The following FTO variants were observed in gnomAD, a reference collection of about 807,000 sequenced individuals.
FTO encodes the protein FTO alpha-ketoglutarate dependent dioxygenase, also known as alpha-ketoglutarate-dependent dioxygenase FTO.
In FTO, 47 loss-of-function variants were observed where a neutral mutation model predicts 63.9. The ratio of observed to expected loss-of-function variants is 0.74; its 90% CI spans 0.58 to 0.94. The LOEUF (loss-of-function observed/expected upper bound fraction) is 0.94, where lower values mean the gene tolerates loss of function less well. Among genes scored for constraint, FTO ranks in the 40% least tolerant of loss-of-function variants. FTO has a pLI of 0.00. For missense variants in FTO, 562 were observed against 618.1 expected, an observed-to-expected ratio of 0.91 and a Z score of 0.96; for synonymous variants, 207 against 224.4, an observed-to-expected ratio of 0.92 and a Z score of 0.69.
At chr16:53,794,061 A>C (rs142719168) in intron 1 of FTO, among the ~76,000 whole-genome samples, 355 of 152,354 alleles carry the variant, frequency 2.3e-3, no homozygotes, top group African/African-American at 8.3e-3. Flanking sequence ...AAGATTTAAA[A>C]GTTTGATAAT....
At chr16:54,104,537 T>G (rs2086706444) in intron 8 of FTO, among the ~76,000 whole-genome samples, 1 of 152,150 alleles carries the variant, frequency 6.6e-6, no homozygotes, top group African/African-American at 2.4e-5. Flanking sequence ...GGTCTCGAAC[T>G]CCTGACCTCG....
At chr16:53,784,256 G>A (rs2151666429) in intron 1 of FTO, among the ~76,000 whole-genome samples, 1 of 152,250 alleles carries the variant, frequency 6.6e-6, no homozygotes. Context: ...TTTCCACTGT[G>A]AAAACTCCTT....
intron 8 of FTO, among the ~76,000 whole-genome samples, chr16:53,941,650 C>G (rs2082532357): frequency 6.6e-6 from 1 of 152,086 alleles, no homozygotes; most frequent in Non-Finnish European, 1.5e-5. Flanking sequence ...AGTTCGAGAA[C>G]AGCCAGGGCA....
intron 2 of FTO, among the ~76,000 whole-genome samples, chr16:53,820,005 CT>C (rs2078810440): frequency 7.0e-6 from 1 of 143,342 alleles, no homozygotes; most frequent in African/African-American, 2.5e-5. Flanking sequence ...CTATTTTCTT[CT>C]TCTTCTTTTT....
At chr16:54,022,908 G>T (rs1052558496) in intron 8 of FTO, among the ~76,000 whole-genome samples, 1 of 152,172 alleles carries the variant, frequency 6.6e-6, no homozygotes, top group Non-Finnish European at 1.5e-5. Context: ...GTAACTTTCC[G>T]CTGTATACAC....
chr16:54,042,577 A>G lies in FTO; in HGVS notation c.1365-69185A>G, dbSNP rs8059666. On this transcript the variant is annotated intron_variant, in intron 8 of 8. Coordinates refer to ENST00000471389, the MANE Select transcript of FTO (RefSeq NM_001080432.3). ...GCTTGCTTAGGTAAACAAAGCAGCC[A>G]GGAAGCTTGAACTGGGTGGAGCCCA... Among the ~76,000 whole-genome samples the G allele has an allele frequency of 9.1e-3, 550 of 60,704 alleles. 3 individuals are homozygous for G. Among genetic ancestry groups the G allele is most frequent in the South Asian group, 0.026 (32 of 1,250 alleles). The allele number at this position is 60,704 out of a possible 152,430, so 39.8% of individuals were successfully genotyped here.
chr16:53,880,285 C>T (rs577025360), intron 6 of FTO, among the ~76,000 whole-genome samples: 2 of 152,340 alleles, frequency 1.3e-5, no homozygotes, highest in African/African-American at 4.8e-5. Flanking sequence ...TCATGAGCCA[C>T]TGTGCCTGGC....
chr16:54,054,179 G>T (rs2085376479), intron 8 of FTO, among the ~76,000 whole-genome samples: 1 of 152,172 alleles, frequency 6.6e-6, no homozygotes, highest in Admixed American at 6.5e-5. Flanking sequence ...AACTCTGACA[G>T]CTGCTACGAG....
chr16:53,836,264 A>T (rs2079290181), intron 3 of FTO, among the ~76,000 whole-genome samples: 1 of 152,166 alleles, frequency 6.6e-6, no homozygotes, highest in South Asian at 2.1e-4. Context: ...CTGTAAACAT[A>T]TCTGTGTACC....
intron 8 of FTO, among the ~76,000 whole-genome samples, chr16:53,941,057 A>G (rs944242460): frequency 6.6e-6 from 1 of 152,194 alleles, no homozygotes; most frequent in African/African-American, 2.4e-5. Flanking sequence ...CACTTTGTAT[A>G]AGTTACTTAT....
At chr16:53,824,429 C>G (rs1054289439) in intron 2 of FTO, among the ~76,000 whole-genome samples, 1 of 152,144 alleles carries the variant, frequency 6.6e-6, no homozygotes, top group South Asian at 2.1e-4. Context: ...GCTTAAATCC[C>G]GTCTCCTTAG....
chr16:54,107,462 T>C (rs1025337753), intron 8 of FTO, among the ~76,000 whole-genome samples: 3 of 152,212 alleles, frequency 2.0e-5, no homozygotes, highest in Non-Finnish European at 4.4e-5. Flanking sequence ...AGCATTCTCT[T>C]GTTTTCTGGG....
intron 1 of FTO, among the ~76,000 whole-genome samples, chr16:53,789,634 T>C (rs1031791373): frequency 6.6e-6 from 1 of 152,110 alleles, no homozygotes; most frequent in African/African-American, 2.4e-5. Flanking sequence ...AATGTTTTGA[T>C]GTTTTTCCCC....
At chr16:53,873,965 A>G in intron 5 of FTO, 100 bp downstream of exon 5, 1 of 890,218 alleles carries the variant, frequency 1.1e-6, no homozygotes, top group Admixed American at 1.8e-5. Context: ...TTTGATGGGA[A>G]AATTGCTTCC....
At chr16:53,991,258 T>A (rs2083803959) in intron 8 of FTO, 1 of 152,170 alleles carries the variant, frequency 6.6e-6, no homozygotes, top group South Asian at 2.1e-4. Context: ...TAGACACAGA[T>A]CGTGGTGCTT....
chr16:53,987,749 C>CTGCTT (rs1435787856), intron 8 of FTO, among the ~76,000 whole-genome samples: 2 of 152,116 alleles, frequency 1.3e-5, no homozygotes, highest in African/African-American at 2.4e-5. Context: ...TAACCTAGCT[C>CTGCTT]TGCTTTATGA....
In FTO at chr16:54,112,187, A is replaced by G. The variant is rs1227024989; in HGVS notation, c.*272A>G. The stretch of plus-strand genomic sequence containing the variant: ...GTGAGCCATTCAGCCCCCAAGGTCC[A>G]GGGCAGGCGACAGGAACGAGCCCAG... On this transcript the variant is annotated 3_prime_UTR_variant, in exon 9 of 9. Transcript: ENST00000471389. 8.8e-6 allele frequency: 4 copies of G among 455,710 alleles called. No individual in the cohort carries two copies. The highest frequency in any genetic ancestry group is 1.2e-5 in the Non-Finnish European group (3 of 247,386). 28.2% of individuals were successfully genotyped at this position (455,710 alleles called of 1,614,324 possible).
intron 4 of FTO, among the ~76,000 whole-genome samples, chr16:53,872,628 G>A (rs1011262288): frequency 6.6e-6 from 1 of 152,178 alleles, no homozygotes; most frequent in Non-Finnish European, 1.5e-5. Flanking sequence ...TAAGACAGAA[G>A]GGTAAATCTT....
At chr16:53,792,075 C>CAAAAAAAAA (rs10606857) in intron 1 of FTO, among the ~76,000 whole-genome samples, 1 of 138,596 alleles carries the variant, frequency 7.2e-6, no homozygotes, top group Non-Finnish European at 1.6e-5. Flanking sequence ...GACTTCGTCT[C>CAAAAAAAAA]AAAAAAAAAA....
Sources: allele counts gnomAD v4.1 joint callset (sites outside exome capture counted in the v4.1 genomes callset), GRCh38; gene constraint gnomAD v4.1.1; transcripts MANE v1.5; gene names NCBI Gene and HGNC (gene_info 2026-07-23, HGNC 2026-07-21).